ASIC2: variants seen among roughly 807,000 people sequenced by gnomAD.
ASIC2 encodes the protein acid-sensing ion channel 2.
A neutral mutation model predicts 57.3 loss-of-function variants in ASIC2; 25 were observed. The observed-to-expected ratio is 0.44, with a 90% CI of 0.32 to 0.61. The LOEUF (loss-of-function observed/expected upper bound fraction) is 0.61, where lower values mean the gene tolerates loss of function less well. ASIC2 is among the 20% of genes least tolerant of loss of function. ASIC2 has a pLI of 0.06. For missense variants in ASIC2, 641 were observed against 738.1 expected (o/e 0.87, Z 1.52); for synonymous variants, 319 against 307.5 (o/e 1.04, Z -0.39).
chr17:33,654,364 T>C (rs1907015724), intron 1 of ASIC2, among the ~76,000 whole-genome samples: 1 of 152,226 alleles, frequency 6.6e-6, no homozygotes, highest in African/African-American at 2.4e-5. Flanking sequence ...GTTTCTCCCC[T>C]AAGCACATCT....
intron 1 of ASIC2, among the ~76,000 whole-genome samples, chr17:34,148,471 G>A (rs1242541156): frequency 2.0e-5 from 3 of 152,216 alleles, no homozygotes; most frequent in Non-Finnish European, 4.4e-5. Context: ...ATGTTCGCAA[G>A]ACTTCAGAGC....
intron 3 of ASIC2, among the ~76,000 whole-genome samples, chr17:33,065,432 C>T (rs2092039776): frequency 6.6e-6 from 1 of 152,044 alleles, no homozygotes; most frequent in Non-Finnish European, 1.5e-5. Flanking sequence ...ACCTCAGCCT[C>T]TCAAATAGCT....
Position 33,148,112 on chromosome 17 carries a change from T to C in ASIC2, c.709-36045A>G, listed in dbSNP as rs997338268. ...GTAAAGTAATAATAACAACGCCTTG[T>C]CAGTATATAATAGGAGCACAGTTAG... On this transcript the variant is annotated intron_variant, in intron 1 of 9. Transcript: ENST00000225823. Among the ~76,000 whole-genome samples, 3 of 152,194 alleles carry C rather than the reference T, an allele frequency of 2.0e-5. No homozygotes were observed. The South Asian group carries it at 6.2e-4, about 32-fold the overall frequency.
At chr17:34,040,399 GGGGGGGTCCT>G (rs917523268) in intron 1 of ASIC2, among the ~76,000 whole-genome samples, 1 of 104,900 alleles carries the variant, frequency 9.5e-6, no homozygotes, top group African/African-American at 7.2e-5. Context: ...CTGGGAGGCA[GGGGGGGTCCT>G]GGGGGGTGGG....
At chr17:33,947,961 A>G (rs1466091336) in intron 1 of ASIC2, among the ~76,000 whole-genome samples, 1 of 152,228 alleles carries the variant, frequency 6.6e-6, no homozygotes, top group Non-Finnish European at 1.5e-5. Context: ...CCTTGATCTT[A>G]AGTGCTAACT....
chr17:33,044,643 G>A (rs1341867183), intron 3 of ASIC2, among the ~76,000 whole-genome samples: 1 of 152,202 alleles, frequency 6.6e-6, no homozygotes, highest in Non-Finnish European at 1.5e-5. Context: ...TTACAGGCAT[G>A]AGCCACCACG....
chr17:33,346,113 G>A (rs1182627974), intron 1 of ASIC2, among the ~76,000 whole-genome samples: 2 of 151,058 alleles, frequency 1.3e-5, no homozygotes, highest in Non-Finnish European at 2.9e-5. Flanking sequence ...TGTAATCTCA[G>A]CTACTTGAGA....
chr17:33,383,660 C>G (rs567032958), intron 1 of ASIC2, among the ~76,000 whole-genome samples: 1 of 152,210 alleles, frequency 6.6e-6, no homozygotes, highest in Admixed American at 6.5e-5. Flanking sequence ...AGGGCCCCAC[C>G]CTGGGCCTCT....
intron 1 of ASIC2, among the ~76,000 whole-genome samples, chr17:33,554,356 ATATGTG>A (rs1412227495): frequency 7.5e-6 from 1 of 132,512 alleles, no homozygotes; most frequent in Admixed American, 7.2e-5. Context: ...ATCACTGCTT[ATATGTG>A]TGTGTGTGTG....
chr17:33,206,398 T>C (rs1413270573), intron 1 of ASIC2, among the ~76,000 whole-genome samples: 1 of 152,138 alleles, frequency 6.6e-6, no homozygotes. Context: ...AGTGTTTCTG[T>C]TTGGCTGGGG....
chr17:34,113,460 C>A lies in ASIC2; in HGVS notation c.555+42518G>T, dbSNP rs528931312. Among the ~76,000 whole-genome samples the A allele has an allele frequency of 7.3e-5, 11 of 151,720 alleles. No individual in the cohort carries two copies. The South Asian group carries it at 2.3e-3, about 32-fold the overall frequency. ...CCTGTAGTCCCAGTTTCTTAGGAGG[C>A]TGAGGTGGGAGGACAACTTGAGCCC... On this transcript the variant is annotated intron_variant, in intron 1 of 9. Transcript: ENST00000359872.
intron 1 of ASIC2, among the ~76,000 whole-genome samples, chr17:33,455,059 CCTCT>C (rs1427083128): frequency 6.6e-6 from 1 of 152,188 alleles, no homozygotes; most frequent in African/African-American, 2.4e-5. Context: ...CCGAGGTATC[CCTCT>C]AACTCATAAG....
At chr17:33,973,656 CAG>C (rs1210574390) in intron 1 of ASIC2, among the ~76,000 whole-genome samples, 1 of 152,180 alleles carries the variant, frequency 6.6e-6, no homozygotes, top group Non-Finnish European at 1.5e-5. Context: ...CATATAGACA[CAG>C]AGAGGAGTGG....
At chr17:33,434,145 A>T (rs4795790) in intron 1 of ASIC2, among the ~76,000 whole-genome samples, 1 of 151,848 alleles carries the variant, frequency 6.6e-6, no homozygotes, top group Non-Finnish European at 1.5e-5. Flanking sequence ...ATAAATAAAT[A>T]AAATAAATAG....
chr17:33,415,055 C>T (rs989863146), intron 1 of ASIC2, among the ~76,000 whole-genome samples: 7 of 152,212 alleles, frequency 4.6e-5, no homozygotes, highest in Non-Finnish European at 1.0e-4. Flanking sequence ...GCAGTCATAC[C>T]ACCCTGTGGG....
At chr17:33,610,305 A>G (rs543999024) in intron 1 of ASIC2, among the ~76,000 whole-genome samples, 1 of 152,188 alleles carries the variant, frequency 6.6e-6, no homozygotes, top group Non-Finnish European at 1.5e-5. Flanking sequence ...TTACAGGTGC[A>G]TGCCACCATG....
intron 1 of ASIC2, among the ~76,000 whole-genome samples, chr17:33,807,071 G>A (rs1207412258): frequency 6.6e-6 from 1 of 152,112 alleles, no homozygotes; most frequent in African/African-American, 2.4e-5. Context: ...GCCAGCCAAG[G>A]CAGTCACAGA....
At chr17:34,132,688 C>T (rs558752393) in intron 1 of ASIC2, among the ~76,000 whole-genome samples, 1 of 152,252 alleles carries the variant, frequency 6.6e-6, no homozygotes, top group Admixed American at 6.5e-5. Flanking sequence ...CTCTAAGTCC[C>T]CACTCGACCC....
intron 1 of ASIC2, among the ~76,000 whole-genome samples, chr17:33,812,035 C>T (rs548759093): frequency 9.2e-5 from 14 of 152,148 alleles, no homozygotes; most frequent in Admixed American, 2.0e-4. Context: ...CCTGCACCAC[C>T]GTGGGCACAC....
Sources: allele counts gnomAD v4.1 joint callset (sites outside exome capture counted in the v4.1 genomes callset), GRCh38; gene constraint gnomAD v4.1.1; transcripts MANE v1.5; gene names NCBI Gene and HGNC (gene_info 2026-07-23, HGNC 2026-07-21).